HERC2: variants seen among roughly 807,000 people sequenced by gnomAD.
HERC2 encodes the protein HECT and RLD domain containing E3 ubiquitin protein ligase 2, also known as E3 ubiquitin-protein ligase HERC2.
In HERC2, 102 loss-of-function variants were observed where a neutral mutation model predicts 537.7. The ratio of observed to expected loss-of-function variants is 0.19; its 90% CI spans 0.16 to 0.22. HERC2 has a LOEUF of 0.22. Among genes scored for constraint, HERC2 ranks in the 10% least tolerant of loss-of-function variants. The pLI is 1.00. For missense variants in HERC2, 4,236 were observed against 6,198.2 expected (o/e 0.68, Z 10.63); for synonymous variants, 2,224 against 2,466.2 (o/e 0.90, Z 2.91).
At chr15:28,229,628 T>C in intron 32 of HERC2, 32 bp from the exon 33 acceptor site, 2 of 1,598,410 alleles carry the variant, frequency 1.3e-6, no homozygotes, top group Non-Finnish European at 1.7e-6. Context: ...AGTTAAGTGT[T>C]ATGTATATTA....
At chr15:28,231,502 C>A (rs868204791) in intron 30 of HERC2, among the ~76,000 whole-genome samples, 36 of 152,156 alleles carry the variant, frequency 2.4e-4, no homozygotes, top group African/African-American at 8.7e-4. Flanking sequence ...GACTGGCCCC[C>A]AACAAAATCT....
rs1281699115 is a variant in HERC2 at position 28,246,725 on chromosome 15, C to T, written c.3391+17G>A. 1 of 1,542,598 alleles carries T rather than the reference C, an allele frequency of 6.5e-7. No individual in the cohort carries two copies. The highest frequency in any genetic ancestry group is 1.2e-5 in the South Asian group (1 of 80,164). ...CTCCTAAAATAAACATGTACACAAG[C>T]AGGAAACAAAAGGTACCAGTAAAGT... On this transcript the variant is annotated intron_variant, in intron 22 of 92. Coordinates refer to ENST00000261609, the MANE Select transcript of HERC2 (RefSeq NM_004667.6).
rs1893334972 is a variant in HERC2 at position 28,159,343 on chromosome 15, G to T, written c.10746+3751C>A. ...ATCCTGCAGAGTGTTTTCCAACTTG[G>T]TTCCATTCTCCCCATCACTTTCAGG... On this transcript the variant is annotated intron_variant, in intron 69 of 92. Transcript: ENST00000261609. Among the ~76,000 whole-genome samples, 3 of 152,128 alleles carry T rather than the reference G, an allele frequency of 2.0e-5. No individual in the cohort carries two copies. In the South Asian group the frequency reaches 6.2e-4, roughly 32 times the overall value.
chr15:28,138,333 G>A (rs1203444697), intron 78 of HERC2, among the ~76,000 whole-genome samples: 1 of 152,204 alleles, frequency 6.6e-6, no homozygotes, highest in African/African-American at 2.4e-5. Context: ...GACTTTCATA[G>A]CTAGAGAGAA....
intron 70 of HERC2, among the ~76,000 whole-genome samples, chr15:28,146,757 G>C (rs1212673661): frequency 1.4e-5 from 2 of 147,850 alleles, no homozygotes; most frequent in Non-Finnish European, 3.0e-5. Context: ...AACTTCTGGC[G>C]TGTCCAGAGA....
At chr15:28,229,021 A>AT (rs754384007) in intron 34 of HERC2, among the ~76,000 whole-genome samples, 174 bp downstream of exon 34, 8 of 152,234 alleles carry the variant, frequency 5.3e-5, no homozygotes, top group Non-Finnish European at 1.0e-4. Context: ...CTCCTGCTAA[A>AT]TTTTGAAGTT....
chr15:28,117,056 G>A lies in HERC2; in HGVS notation c.13371C>T (p.Asp4457=). 2 of 1,614,190 alleles carry A rather than the reference G, an allele frequency of 1.2e-6. No homozygotes were observed. Among genetic ancestry groups the A allele is most frequent in the Non-Finnish European group, 1.7e-6 (2 of 1,180,034 alleles). The change falls in exon 87 of 93, where the codon GAC becomes GAT. Residue 4457 remains aspartate (D), a synonymous_variant. Transcript: ENST00000261609. The part of the protein sequence containing the change: ...MCAKMSSFGP[D]SLLLPHRVWK... Reference sequence around the variant, plus strand: ...AGACACGGTGAGGAAGGAGGAGGCTGTCGGGACCAAACGAGCTCATCTTAG... The same window carrying A: ...AGACACGGTGAGGAAGGAGGAGGCTATCGGGACCAAACGAGCTCATCTTAG...
chr15:28,179,488 A>T (rs2140174576), intron 57 of HERC2, among the ~76,000 whole-genome samples: 1 of 152,348 alleles, frequency 6.6e-6, no homozygotes, highest in South Asian at 2.1e-4. Flanking sequence ...GGTGTCAACA[A>T]GCCTCTGTGC....
rs139477811 is a variant in HERC2 at position 28,125,317 on chromosome 15, G to T, written c.12803-124C>A. The T allele has an allele frequency of 5.2e-6, 4 of 774,030 alleles. No homozygotes were observed. In the East Asian group the frequency reaches 9.9e-5, roughly 19 times the overall value. The allele number at this position is 774,030 out of a possible 1,614,324, so 47.9% of individuals were successfully genotyped here. ...CCCTTCAGCTGGTGTTGACCTAGTT[G>T]TCAACTTTACATATGACCTAGACAT... On this transcript the variant is annotated intron_variant, in intron 83 of 92. Coordinates refer to ENST00000261609, the MANE Select transcript of HERC2 (RefSeq NM_004667.6).
At chr15:28,261,690 G>A (rs1355498924) in intron 15 of HERC2, among the ~76,000 whole-genome samples, 1 of 152,058 alleles carries the variant, frequency 6.6e-6, no homozygotes, top group Non-Finnish European at 1.5e-5. Flanking sequence ...TAAACAAGAA[G>A]GCAAATGAAA....
chr15:28,213,936 G>T lies in HERC2; in HGVS notation c.6592C>A (p.Pro2198Thr), dbSNP rs754721705. 50 of 1,613,952 alleles carry T rather than the reference G, an allele frequency of 3.1e-5. No homozygotes were observed. In the South Asian group the frequency reaches 5.3e-4, roughly 17 times the overall value. Residue 2198 changes from proline to threonine, a missense_variant, in exon 42 of 93, where the codon CCT becomes ACT. By Grantham distance (38) the Pro-to-Thr change is conservative. This residue lies in a region of HERC2 where 365 missense variants were observed against 468.8 expected (regional missense o/e 0.78). Transcript: ENST00000261609. ...ACTGCCATGAGGCCCCCCACTTCAG[G>T]GTTCTCGGAGTCGGGGAAGTAGTCC... ...LEDYFPDSEN[P>T]EVGGLMAVLA...
At chr15:28,301,264 A>G (rs1157565912) in intron 2 of HERC2, among the ~76,000 whole-genome samples, 2 of 152,004 alleles carry the variant, frequency 1.3e-5, no homozygotes, top group Non-Finnish European at 2.9e-5. Flanking sequence ...AAAATACAAA[A>G]ATTAGCTGGG....
chr15:28,229,678 T>C lies in HERC2; in HGVS notation c.4979A>G (p.Lys1660Arg). 6.2e-7 allele frequency: 1 copy of C among 1,611,916 alleles called. No individual in the cohort carries two copies. The highest frequency in any genetic ancestry group is 1.1e-5 in the South Asian group (1 of 90,992). Reference protein sequence around the residue: ...DVEKMRKCLLKQLERAEVRLE... With the variant: ...DVEKMRKCLLRQLERAEVRLE... ...GCATTTCTCATCAAATGTTACCTGT[T>C]TTAGTAGGCACTTTCTCATTTTTTC... Residue 1660 changes from lysine (K) to arginine (R), a missense_variant, in exon 32 of 93, where the codon AAA (lysine) becomes AGA (arginine). By Grantham distance (26) the Lys-to-Arg change is conservative (BLOSUM62 2). Transcript: ENST00000261609.
At chr15:28,191,632 T>C (rs1422998024) in intron 53 of HERC2, among the ~76,000 whole-genome samples, 1 of 152,184 alleles carries the variant, frequency 6.6e-6, no homozygotes, top group Non-Finnish European at 1.5e-5. Flanking sequence ...AACACAAATT[T>C]GCTAGACTAT....
At chr15:28,288,984 A>G (rs2076237763) in intron 4 of HERC2, among the ~76,000 whole-genome samples, 1 of 152,048 alleles carries the variant, frequency 6.6e-6, no homozygotes, top group South Asian at 2.1e-4. Context: ...ACACAGCAAC[A>G]CTGCCAACCA....
chr15:28,114,555 C>T, intron 90 of HERC2, 57 bp downstream of exon 90: 3 of 1,525,998 alleles, frequency 2.0e-6, no homozygotes, highest in Admixed American at 1.7e-5. Flanking sequence ...TCCACACAAC[C>T]ACGTTCTGCT....
At chr15:28,232,552 A>G (rs1378833529) in intron 30 of HERC2, among the ~76,000 whole-genome samples, 1 of 108,824 alleles carries the variant, frequency 9.2e-6, no homozygotes, top group Non-Finnish European at 1.7e-5. Context: ...CATCTCAAAG[A>G]AAAAAAAAAA....
At chr15:28,292,842 G>C (rs2076355887) in intron 4 of HERC2, 46 bp downstream of exon 4, 2 of 1,573,574 alleles carry the variant, frequency 1.3e-6, no homozygotes, top group African/African-American at 1.4e-5. Flanking sequence ...TTTAGAAAGG[G>C]AGCGTCAGAT....
At chr15:28,162,886 G>A (rs756128722) in intron 69 of HERC2, among the ~76,000 whole-genome samples, 5 of 152,144 alleles carry the variant, frequency 3.3e-5, no homozygotes, top group East Asian at 1.9e-4. Flanking sequence ...GCGAGACTCC[G>A]TCTCAAAAAA....
Sources: gnomAD v4.1 joint callset for allele counts (sites outside exome capture counted in the v4.1 genomes callset) on GRCh38, gnomAD v4.1.1 for gene constraint, gnomAD v4.1.1 regional missense constraint, MANE v1.5 for transcripts, NCBI Gene and HGNC (gene_info 2026-07-23, HGNC 2026-07-21) for gene names.